The following EYA4 variants were observed in gnomAD, a reference collection of about 807,000 sequenced individuals.
The protein encoded by EYA4 is EYA transcriptional coactivator and phosphatase 4.
In EYA4, 31 loss-of-function variants were observed where a neutral mutation model predicts 87.9. That is an observed-to-expected ratio of 0.35 (90% CI 0.27 to 0.48). The LOEUF (loss-of-function observed/expected upper bound fraction) is 0.48. Ranked by LOEUF, EYA4 falls within the 20% of genes least tolerant of loss-of-function variation. The pLI is 0.99. For missense variants in EYA4, 678 were observed against 761.4 expected, an observed-to-expected ratio of 0.89 and a Z score of 1.29; for synonymous variants, 263 against 270.6, an observed-to-expected ratio of 0.97 and a Z score of 0.28.
chr6:133,377,069 T>C (rs1028621238), intron 2 of EYA4, among the ~76,000 whole-genome samples: 1 of 152,004 alleles, frequency 6.6e-6, no homozygotes, highest in African/African-American at 2.4e-5. Context: ...AGTTTACTTA[T>C]TTCTTGTATG....
intron 2 of EYA4, among the ~76,000 whole-genome samples, chr6:133,299,935 C>CTATATATATA (rs1357039171): frequency 8.0e-6 from 1 of 125,252 alleles, no homozygotes; most frequent in African/African-American, 3.2e-5. Context: ...CTCTATCTAT[C>CTATATATATA]TATCTATCTA....
intron 2 of EYA4, among the ~76,000 whole-genome samples, chr6:133,323,439 A>G (rs898962397): frequency 6.6e-6 from 1 of 152,144 alleles, no homozygotes; most frequent in African/African-American, 2.4e-5. Flanking sequence ...AATTTTTAAT[A>G]AGATGTAGTA....
At chr6:133,466,093 C>T (rs1794814255) in intron 10 of EYA4, among the ~76,000 whole-genome samples, 1 of 151,880 alleles carries the variant, frequency 6.6e-6, no homozygotes, top group African/African-American at 2.4e-5. Context: ...CTCATTGTTC[C>T]CTGCTCTTTA....
intron 1 of EYA4, among the ~76,000 whole-genome samples, chr6:133,262,386 A>G (rs1288551578): frequency 6.6e-6 from 1 of 152,224 alleles, no homozygotes. Context: ...CTGGTAGGGA[A>G]GAGCAATAGG....
chr6:133,348,261 GTTTTTTTTTTTT>G lies in EYA4; in HGVS notation c.34-34113_34-34102del, dbSNP rs35905853. Reference sequence around the variant, plus strand: ...ATCTTCCTCCTCATCTCTTCAAGTAGTTTTTTTTTTTTTTTTTTTTTTTTTTTTTGGAGACAG... The same window carrying G: ...ATCTTCCTCCTCATCTCTTCAAGTAGTTTTTTTTTTTTTTTTTGGAGACAG... On this transcript the variant is annotated intron_variant, in intron 2 of 19. Transcript: ENST00000355286. Among the ~76,000 whole-genome samples, 215 of 68,790 alleles carry G rather than the reference GTTTTTTTTTTTT, an allele frequency of 3.1e-3. 2 individuals are homozygous for G. Among genetic ancestry groups the G allele is most frequent in the African/African-American group, 0.013 (195 of 15,512 alleles). The allele number at this position is 68,790 out of a possible 152,430, so 45.1% of individuals were successfully genotyped here. A position where few individuals can be genotyped will look rare whatever the true frequency, so the allele number is the denominator to read the frequency against.
intron 2 of EYA4, among the ~76,000 whole-genome samples, chr6:133,379,281 A>G (rs1338433807): frequency 6.6e-6 from 1 of 152,082 alleles, no homozygotes; most frequent in Non-Finnish European, 1.5e-5. Context: ...TGAAGGTTCT[A>G]TATGTTTTAT....
rs376828699 is a variant in EYA4, at chr6:133,379,640, C to T, written c.34-2752C>T. On this transcript the variant is annotated intron_variant, in intron 2 of 19. Transcript: ENST00000355286. ...CTATCTCAGAAGTGTTTGTCAAAAA[C>T]ACCCTCTCAGTTCACCCCATGGCTC... Among the ~76,000 whole-genome samples the T allele has an allele frequency of 5.3e-5, 8 of 152,216 alleles. 1 individual carries two copies. The highest frequency in any genetic ancestry group is 3.9e-4 in the East Asian group (2 of 5,168).
rs571349154 is a variant in EYA4, at chr6:133,248,186, T to G, written c.-66+6437T>G. Reference sequence around the variant, plus strand: ...AACATCTTTCCTCCTTTAAAGACTGTAAGAAGAAACACCAGCAGTGGCCTA... The same window carrying G: ...AACATCTTTCCTCCTTTAAAGACTGGAAGAAGAAACACCAGCAGTGGCCTA... On this transcript the variant is annotated intron_variant, in intron 1 of 19. Coordinates refer to ENST00000355286, the MANE Select transcript of EYA4 (RefSeq NM_004100.5). The G allele has an allele frequency of 2.0e-5, 3 of 152,328 alleles. No homozygotes were observed. The East Asian group carries it at 5.8e-4, about 29-fold the overall frequency. The allele number at this position is 152,328 out of a possible 1,614,324, so 9.4% of individuals were successfully genotyped here. A position where few individuals can be genotyped will look rare whatever the true frequency, so the allele number is the denominator to read the frequency against.
chr6:133,359,097 A>C (rs1784281988), intron 2 of EYA4, among the ~76,000 whole-genome samples: 1 of 152,248 alleles, frequency 6.6e-6, no homozygotes, highest in South Asian at 2.1e-4. Flanking sequence ...AACATGGAGA[A>C]GACTGGTCTG....
chr6:133,247,625 T>G (rs1774518724), intron 1 of EYA4: 1 of 152,218 alleles, frequency 6.6e-6, no homozygotes. Flanking sequence ...TGTTTTACAA[T>G]TTTATAGTAT....
In EYA4 at chr6:133,485,968, A is replaced by T. The variant is rs545676248; in HGVS notation, c.1191+2853A>T. Among the ~76,000 whole-genome samples, 50 of 152,192 alleles carry T rather than the reference A, an allele frequency of 3.3e-4. 1 individual carries two copies. The highest frequency in any genetic ancestry group is 6.3e-4 in the Non-Finnish European group (43 of 68,032). ...TGAGTCAGATAAACTTAAGTTCGAA[A>T]ATCGAGTTCTGATGCTTACAGCATT... On this transcript the variant is annotated intron_variant, in intron 13 of 19. Coordinates refer to ENST00000355286, the MANE Select transcript of EYA4 (RefSeq NM_004100.5).
chr6:133,521,042 A>G (rs1562515229), intron 17 of EYA4, among the ~76,000 whole-genome samples: 3 of 151,698 alleles, frequency 2.0e-5, no homozygotes, highest in Admixed American at 1.3e-4. Context: ...ACCATTCAGG[A>G]CATAGGCATG....
chr6:133,476,226 C>A (rs1049856954), intron 11 of EYA4, among the ~76,000 whole-genome samples: 3 of 152,018 alleles, frequency 2.0e-5, no homozygotes, highest in African/African-American at 7.2e-5. Context: ...TTAACATATG[C>A]ATTACCTCAC....
chr6:133,337,325 T>C (rs960479698), intron 2 of EYA4, among the ~76,000 whole-genome samples: 3 of 151,968 alleles, frequency 2.0e-5, no homozygotes, highest in African/African-American at 7.3e-5. Context: ...GCACAAGATA[T>C]GAGAAATGAA....
chr6:133,513,097 G>A (rs1799299159), intron 16 of EYA4, 59 bp downstream of exon 16: 2 of 1,467,700 alleles, frequency 1.4e-6, no homozygotes, highest in South Asian at 1.1e-5. Context: ...AATTCAATCT[G>A]TAGTTTCATG....
At chr6:133,457,468 C>T (rs1422118993) in intron 6 of EYA4, among the ~76,000 whole-genome samples, 5 of 151,928 alleles carry the variant, frequency 3.3e-5, no homozygotes, top group Admixed American at 3.3e-4. Context: ...TACATTTATC[C>T]ATGTGCTCAT....
At chr6:133,355,189 A>T (rs1350199477) in intron 2 of EYA4, among the ~76,000 whole-genome samples, 3 of 151,974 alleles carry the variant, frequency 2.0e-5, no homozygotes, top group African/African-American at 7.2e-5. Flanking sequence ...TTCATCACCC[A>T]TCTCTTAAGC....
chr6:133,272,258 T>C (rs1029538509), intron 1 of EYA4, among the ~76,000 whole-genome samples: 2 of 152,162 alleles, frequency 1.3e-5, no homozygotes, highest in Non-Finnish European at 2.9e-5. Flanking sequence ...TCTTCCTCTG[T>C]CAACTGATCA....
At chr6:133,367,931 T>C (rs2128458833) in intron 2 of EYA4, among the ~76,000 whole-genome samples, 1 of 152,246 alleles carries the variant, frequency 6.6e-6, no homozygotes, top group South Asian at 2.1e-4. Context: ...TATTCAAAAA[T>C]AAATACTGGC....
Sources: gnomAD v4.1 joint callset for allele counts (sites outside exome capture counted in the v4.1 genomes callset) on GRCh38, gnomAD v4.1.1 for gene constraint, MANE v1.5 for transcripts, NCBI Gene and HGNC (gene_info 2026-07-23, HGNC 2026-07-21) for gene names.